Variants in PTPRG observed in about 807,000 individuals in gnomAD.
The protein encoded by PTPRG is protein tyrosine phosphatase receptor type G, also known as receptor-type tyrosine-protein phosphatase gamma.
Under a neutral mutation model 165.3 loss-of-function variants are expected in PTPRG, and 102 were observed. That is an observed-to-expected ratio of 0.62 (90% confidence interval 0.53 to 0.73). PTPRG has a LOEUF of 0.73. PTPRG is among the 30% of genes least tolerant of loss of function. PTPRG has a pLI of 0.00. For missense variants in PTPRG, 1,866 were observed against 1,861.4 expected (o/e 1.00, Z -0.05); for synonymous variants, 675 against 669.5 (o/e 1.01, Z -0.13).
intron 28 of PTPRG, among the ~76,000 whole-genome samples, chr3:62,289,338 A>G (rs909551700): frequency 5.3e-5 from 8 of 152,232 alleles, no homozygotes; most frequent in Admixed American, 6.5e-5. Context: ...TAAAAGAATG[A>G]GTTTTCCACC....
chr3:61,672,283 C>T (rs1218107024), intron 1 of PTPRG, among the ~76,000 whole-genome samples: 1 of 143,274 alleles, frequency 7.0e-6, no homozygotes, highest in African/African-American at 2.6e-5. Flanking sequence ...CGATGGGCGG[C>T]CAGGCGGAGA....
At chr3:62,096,208 A>G (rs931690708) in intron 5 of PTPRG, among the ~76,000 whole-genome samples, 22 of 152,152 alleles carry the variant, frequency 1.4e-4, no homozygotes, top group Admixed American at 4.6e-4. Flanking sequence ...ATCTTCTTAT[A>G]TAGGAGGAAG....
At chr3:61,604,125 A>G (rs1389871574) in intron 1 of PTPRG, among the ~76,000 whole-genome samples, 1 of 152,256 alleles carries the variant, frequency 6.6e-6, no homozygotes, top group South Asian at 2.1e-4. Context: ...GGAGTACAAG[A>G]CCTGTCTGGC....
intron 2 of PTPRG, among the ~76,000 whole-genome samples, chr3:61,937,651 A>G (rs1419002461): frequency 1.3e-5 from 2 of 152,212 alleles, no homozygotes; most frequent in African/African-American, 4.8e-5. Flanking sequence ...AAACTTGGAA[A>G]CATTTTCACA....
intron 2 of PTPRG, among the ~76,000 whole-genome samples, chr3:61,969,363 TAGG>T (rs1388228688): frequency 2.6e-5 from 4 of 152,174 alleles, no homozygotes; most frequent in East Asian, 1.9e-4. Context: ...GAATATATAA[TAGG>T]AGTAGTATAA....
rs943785913 is a variant in PTPRG, at chr3:61,716,974, C to CA, written c.86-31898dup. On this transcript the variant is annotated intron_variant, in intron 1 of 29. Transcript: ENST00000474889. ...GCAACACAGTGAGACTCCATGTCAA[C>CA]AAAAAATAAAAAATAAAAATTCCCA... Among the ~76,000 whole-genome samples, 67 of 152,036 alleles carry CA rather than the reference C, an allele frequency of 4.4e-4. 1 individual carries two copies. Among genetic ancestry groups the CA allele is most frequent in the South Asian group, 1.0e-3 (5 of 4,816 alleles).
At chr3:61,861,603 G>C (rs1225367501) in intron 2 of PTPRG, among the ~76,000 whole-genome samples, 2 of 152,190 alleles carry the variant, frequency 1.3e-5, no homozygotes, top group Non-Finnish European at 2.9e-5. Flanking sequence ...TATTGGCAAA[G>C]TAATTTTCAG....
intron 4 of PTPRG, among the ~76,000 whole-genome samples, chr3:62,031,505 T>C (rs1699768652): frequency 6.6e-6 from 1 of 152,134 alleles, no homozygotes; most frequent in African/African-American, 2.4e-5. Flanking sequence ...AGTAATGAGT[T>C]TGGATTTTAT....
At chr3:62,038,428 T>G (rs1700019264) in intron 4 of PTPRG, among the ~76,000 whole-genome samples, 1 of 152,220 alleles carries the variant, frequency 6.6e-6, no homozygotes, top group Admixed American at 6.5e-5. Context: ...GACAGGGTCT[T>G]GCTCTGTCAC....
intron 3 of PTPRG, 71 bp from the exon 4 acceptor site, chr3:62,003,278 A>C: frequency 6.6e-7 from 1 of 1,511,018 alleles, no homozygotes; most frequent in East Asian, 2.3e-5. Flanking sequence ...ACTTTATTAG[A>C]AGTAACAGAA....
intron 2 of PTPRG, among the ~76,000 whole-genome samples, chr3:61,837,659 C>A (rs1295695307): frequency 2.0e-5 from 3 of 152,204 alleles, no homozygotes; most frequent in African/African-American, 4.8e-5. Flanking sequence ...TACACGTACA[C>A]ATGTACCATA....
At chr3:61,830,973 A>G (rs1176449258) in intron 2 of PTPRG, among the ~76,000 whole-genome samples, 1 of 152,138 alleles carries the variant, frequency 6.6e-6, no homozygotes, top group Non-Finnish European at 1.5e-5. Context: ...TTCTTTTTTC[A>G]AAGACCTAAT....
chr3:62,040,392 GCT>G (rs1361549004), intron 4 of PTPRG, among the ~76,000 whole-genome samples: 2 of 152,214 alleles, frequency 1.3e-5, no homozygotes, highest in African/African-American at 4.8e-5. Context: ...TTCCACTGAA[GCT>G]CTCTAAGACA....
At chr3:61,775,071 ATTG>A (rs562498777) in intron 2 of PTPRG, among the ~76,000 whole-genome samples, 220 of 151,872 alleles carry the variant, frequency 1.4e-3, no homozygotes, top group Middle Eastern at 6.8e-3. Context: ...CTTAAAGAAA[ATTG>A]TTGTTGTTGT....
chr3:61,710,951 G>A (rs543098117), intron 1 of PTPRG, among the ~76,000 whole-genome samples: 1 of 151,936 alleles, frequency 6.6e-6, no homozygotes, highest in Non-Finnish European at 1.5e-5. Flanking sequence ...GCCCTGGTGT[G>A]TGATGTTCCC....
chr3:61,819,353 G>A (rs536275119), intron 2 of PTPRG, among the ~76,000 whole-genome samples: 5 of 152,068 alleles, frequency 3.3e-5, no homozygotes, highest in East Asian at 1.9e-4. Context: ...AGTAGAGGTC[G>A]GTAAATGATT....
intron 5 of PTPRG, chr3:62,124,452 TGCTGGGCACCA>T (rs1370123432): frequency 6.2e-7 from 1 of 1,613,700 alleles, no homozygotes; most frequent in Non-Finnish European, 8.5e-7. Flanking sequence ...TTCTGGGGGA[TGCTGGGCACCA>T]GCTCCTTGAG....
At chr3:61,648,514 ATAC>A (rs770933736) in intron 1 of PTPRG, among the ~76,000 whole-genome samples, 10 of 152,238 alleles carry the variant, frequency 6.6e-5, no homozygotes, top group Non-Finnish European at 1.3e-4. Context: ...ACATCTTGAA[ATAC>A]CTCAGTTCCT....
intron 2 of PTPRG, among the ~76,000 whole-genome samples, chr3:61,871,158 GTGTTGTGTTATGTTATGTTA>G (rs1455040449): frequency 0.033 from 4,153 of 126,840 alleles, 75 homozygotes; most frequent in Middle Eastern, 0.058. Context: ...GTGTTGTGTT[GTGTTGTGTTATGTTATGTTA>G]TGTTATGTTA....
Sources: allele counts gnomAD v4.1 joint callset (sites outside exome capture counted in the v4.1 genomes callset), GRCh38; gene constraint gnomAD v4.1.1; transcripts MANE v1.5; gene names NCBI Gene and HGNC (gene_info 2026-07-23, HGNC 2026-07-21).